MGA: variants seen among roughly 807,000 people sequenced by gnomAD.
MGA encodes the protein MAX gene-associated protein.
A neutral mutation model predicts 261.1 loss-of-function variants in MGA; 40 were observed. The ratio of observed to expected loss-of-function variants is 0.15; its 90% confidence interval spans 0.12 to 0.20. MGA has a LOEUF of 0.20. Among genes scored for constraint, MGA ranks in the 10% least tolerant of loss-of-function variants. The pLI is 1.00. For missense variants in MGA, 3,397 were observed against 3,630.5 expected (o/e 0.94, Z 1.65); for synonymous variants, 1,302 against 1,290.6 (o/e 1.01, Z -0.19).
intron 1 of MGA, among the ~76,000 whole-genome samples, chr15:41,666,009 G>C (rs1267966493): frequency 6.6e-6 from 1 of 151,558 alleles, no homozygotes; most frequent in Non-Finnish European, 1.5e-5. Flanking sequence ...TGAACTTCCA[G>C]GGCTGCTGAA....
At chr15:41,636,494 T>A (rs539214750) in intron 1 of MGA, among the ~76,000 whole-genome samples, 1 of 148,606 alleles carries the variant, frequency 6.7e-6, no homozygotes, top group East Asian at 2.0e-4. Context: ...GGAGCCTTGC[T>A]CTGTTGCCCA....
intron 15 of MGA, among the ~76,000 whole-genome samples, 190 bp from the exon 16 acceptor site, chr15:41,748,447 G>A (rs1046612764): frequency 6.6e-6 from 1 of 152,114 alleles, no homozygotes; most frequent in Non-Finnish European, 1.5e-5. Flanking sequence ...GCAGCTACTC[G>A]GTATGCTGAA....
chr15:41,719,204 A>G (rs142439558), intron 9 of MGA, among the ~76,000 whole-genome samples: 38 of 152,342 alleles, frequency 2.5e-4, no homozygotes, highest in Non-Finnish European at 4.3e-4. Flanking sequence ...CCTAAAACCT[A>G]TATACTAAAA....
At chr15:41,736,138 A>G in intron 12 of MGA, 43 bp from the exon 13 acceptor site, 1 of 1,416,238 alleles carries the variant, frequency 7.1e-7, no homozygotes. Context: ...TGATGCAGAA[A>G]TAATCTTTCA....
chr15:41,724,865 G>A (rs368681351), intron 9 of MGA, among the ~76,000 whole-genome samples: 2 of 151,620 alleles, frequency 1.3e-5, no homozygotes, highest in African/African-American at 4.9e-5. Context: ...GATTGTGCCC[G>A]TATGTTTACC....
chr15:41,729,588 G>C (rs1279699894), intron 11 of MGA, among the ~76,000 whole-genome samples: 1 of 152,034 alleles, frequency 6.6e-6, no homozygotes, highest in Non-Finnish European at 1.5e-5. Context: ...TTGGGACGCT[G>C]AGGCAGGCGG....
At chr15:41,718,000 G>C (rs2060728279) in intron 9 of MGA, among the ~76,000 whole-genome samples, 1 of 148,948 alleles carries the variant, frequency 6.7e-6, no homozygotes, top group African/African-American at 2.5e-5. Context: ...GGGTGACAGA[G>C]TGAGACCCTG....
chr15:41,710,055 G>A (rs892027006), intron 7 of MGA, among the ~76,000 whole-genome samples: 1 of 152,008 alleles, frequency 6.6e-6, no homozygotes, highest in African/African-American at 2.4e-5. Context: ...TCGAACTCCC[G>A]ACCTCAGGTG....
intron 1 of MGA, among the ~76,000 whole-genome samples, chr15:41,624,615 A>T (rs1328505576): frequency 6.6e-6 from 1 of 151,590 alleles, no homozygotes; most frequent in East Asian, 1.9e-4. Context: ...GGGTGGCGTG[A>T]GCCACCGCAC....
rs536507548 is a variant in MGA at position 41,636,242 on chromosome 15, A to C, written c.-68+14944A>C. Among the ~76,000 whole-genome samples, 7 of 151,006 alleles carry C rather than the reference A, an allele frequency of 4.6e-5. No homozygotes were observed. In the South Asian group the frequency reaches 1.5e-3, roughly 32 times the overall value. On this transcript the variant is annotated intron_variant, in intron 1 of 8. Coordinates refer to the MGA transcript ENST00000566718. ...TAGCCTCCAACTCCTGGGCCCAAGC[A>C]ATTCTCCCATCTCAACCTCTTGACC... is the stretch of plus-strand genomic sequence containing the variant.
At chr15:41,625,540 C>T (rs754635265) in intron 1 of MGA, among the ~76,000 whole-genome samples, 3 of 151,716 alleles carry the variant, frequency 2.0e-5, no homozygotes, top group Non-Finnish European at 4.4e-5. Flanking sequence ...ACAGCAAAAC[C>T]TTGTCTCTAC....
rs1415282137 is a variant in MGA, at chr15:41,749,797, G to A, written c.6190G>A (p.Asp2064Asn). 3 of 1,613,822 alleles carry A rather than the reference G, an allele frequency of 1.9e-6. No individual in the cohort carries two copies. In the South Asian group the frequency reaches 3.3e-5, roughly 18 times the overall value. The stretch of plus-strand genomic sequence containing the variant: ...GTCACATACAGATCAAGATTATAAA[G>A]ATGTTAATGAAGAATATGGGGCTAG... Residue 2064 changes from aspartate to asparagine, a missense_variant, in exon 17 of 24, where the codon GAT (aspartate) becomes AAT (asparagine). Around this residue, in one of 9 missense-constraint regions of MGA, gnomAD observed 1,410 missense variants for 1,386.4 expected, o/e 1.02. Coordinates refer to ENST00000219905, the MANE Select transcript of MGA (RefSeq NM_001164273.2).
rs1269317379 is a variant in MGA at position 41,711,216 on chromosome 15, G to A, written c.2951G>A (p.Arg984His). 2.5e-6 allele frequency: 4 copies of A among 1,613,868 alleles called. No individual in the cohort carries two copies. Among genetic ancestry groups the A allele is most frequent in the Admixed American group, 3.3e-5 (2 of 59,990 alleles). Residue 984 changes from arginine to histidine, a missense_variant, in exon 8 of 24, where the codon CGC becomes CAC. Physicochemically the swap from Arg to His is conservative, Grantham distance 29 (BLOSUM62 0). Coordinates refer to ENST00000219905, the MANE Select transcript of MGA (RefSeq NM_001164273.2). ...CAGCAGCAACAGCAACAGGGAAGTC[G>A]CCCTCCAGGCTTGTCTAAATCTCAG...
At chr15:41,703,864 G>T (rs1214741070) in intron 5 of MGA, among the ~76,000 whole-genome samples, 1 of 152,204 alleles carries the variant, frequency 6.6e-6, no homozygotes, top group Non-Finnish European at 1.5e-5. Context: ...AGGCTATAGT[G>T]CAGTGATGTG....
chr15:41,705,453 C>A (rs897318942), intron 5 of MGA, among the ~76,000 whole-genome samples: 2 of 152,086 alleles, frequency 1.3e-5, no homozygotes, highest in African/African-American at 4.8e-5. Flanking sequence ...CCTCAACCTC[C>A]TGGGCTCAAG....
intron 2 of MGA, 79 bp from the exon 3 acceptor site, chr15:41,695,996 C>CT (rs74824973): frequency 0.062 from 52,107 of 835,808 alleles, 5 homozygotes; most frequent in East Asian, 0.098. Context: ...TTCCTAACAT[C>CT]TTTTTTTTTT....
intron 12 of MGA, among the ~76,000 whole-genome samples, chr15:41,735,755 A>G (rs1323356835): frequency 1.3e-5 from 2 of 152,100 alleles, no homozygotes; most frequent in African/African-American, 4.8e-5. Flanking sequence ...AAATCAGAAT[A>G]CTATTTTTCT....
At chr15:41,733,555 C>T (rs2061619861) in intron 11 of MGA, among the ~76,000 whole-genome samples, 1 of 152,148 alleles carries the variant, frequency 6.6e-6, no homozygotes, top group Non-Finnish European at 1.5e-5. Flanking sequence ...GGTGACTCCC[C>T]GGAAAACCAC....
chr15:41,635,131 C>T (rs796340575), intron 1 of MGA, among the ~76,000 whole-genome samples: 6 of 151,108 alleles, frequency 4.0e-5, no homozygotes, highest in African/African-American at 1.5e-4. Flanking sequence ...GTCAGGAGTT[C>T]GAGACCATCC....
Sources: allele counts gnomAD v4.1 joint callset (sites outside exome capture counted in the v4.1 genomes callset), GRCh38; gene constraint gnomAD v4.1.1; regional missense constraint gnomAD v4.1.1; transcripts MANE v1.5; gene names NCBI Gene and HGNC (gene_info 2026-07-23, HGNC 2026-07-21).